Variants in NELL1 observed in about 807,000 individuals in gnomAD.
NELL1 encodes the protein neural EGFL like 1.
NELL1 carries 76 observed loss-of-function variants against 107.4 expected under a neutral mutation model. The observed-to-expected ratio is 0.71, with a 90% CI of 0.59 to 0.86. The LOEUF (loss-of-function observed/expected upper bound fraction) is 0.86. Among genes scored for constraint, NELL1 ranks in the 40% least tolerant of loss-of-function variants. The pLI, the probability that NELL1 is intolerant of heterozygous loss-of-function variation, is 0.00. For synonymous variants in NELL1, 353 were observed against 341.2 expected (o/e 1.03, Z -0.38); for missense variants, 1,024 against 1,005.5 (o/e 1.02, Z -0.25).
At chr11:21,477,491 T>A (rs542564157) in intron 15 of NELL1, among the ~76,000 whole-genome samples, 46 of 152,154 alleles carry the variant, frequency 3.0e-4, no homozygotes, top group African/African-American at 1.1e-3. Context: ...GGGTTTAGAG[T>A]GCCTACCATT....
intron 12 of NELL1, among the ~76,000 whole-genome samples, chr11:21,004,486 T>G (rs1475567962): frequency 6.6e-6 from 1 of 152,188 alleles, no homozygotes; most frequent in African/African-American, 2.4e-5. Flanking sequence ...AAGCCATATT[T>G]AATGTTATCT....
intron 15 of NELL1, among the ~76,000 whole-genome samples, chr11:21,377,713 G>A (rs1851513363): frequency 1.3e-5 from 2 of 151,960 alleles, no homozygotes; most frequent in Non-Finnish European, 2.9e-5. Flanking sequence ...TTCAGTTTTG[G>A]AACTTGATAT....
At chr11:21,558,269 C>G (rs994080626) in intron 16 of NELL1, among the ~76,000 whole-genome samples, 1 of 151,706 alleles carries the variant, frequency 6.6e-6, no homozygotes. Flanking sequence ...AATATGGCCT[C>G]TTTGTGGATC....
At chr11:21,254,685 A>G (rs1176161822) in intron 14 of NELL1, among the ~76,000 whole-genome samples, 1 of 152,028 alleles carries the variant, frequency 6.6e-6, no homozygotes, top group Non-Finnish European at 1.5e-5. Context: ...CAGGTGGCAG[A>G]TACACTGGTG....
intron 14 of NELL1, among the ~76,000 whole-genome samples, chr11:21,302,373 A>G (rs1038609853): frequency 1.3e-5 from 2 of 152,222 alleles, no homozygotes; most frequent in Middle Eastern, 3.4e-3. Flanking sequence ...ACTGAATGAT[A>G]GATGGATTCT....
intron 5 of NELL1, among the ~76,000 whole-genome samples, chr11:20,887,776 G>T (rs1590382064): frequency 6.6e-6 from 1 of 152,204 alleles, no homozygotes; most frequent in Non-Finnish European, 1.5e-5. Context: ...GGTACCTTGG[G>T]AGTCCTGATG....
chr11:21,279,136 G>A (rs1443581921), intron 14 of NELL1, among the ~76,000 whole-genome samples: 2 of 152,014 alleles, frequency 1.3e-5, no homozygotes, highest in African/African-American at 2.4e-5. Context: ...AAATCAAAAT[G>A]GATCATAAAT....
chr11:20,669,690 G>C lies in NELL1; in HGVS notation c.-34G>C. ...GGCTCATTTGCTTCCACCTAGCTTC[G>C]GTGCCCCCTGCTAGGCGGGGACCCT... On this transcript the variant is annotated 5_prime_UTR_variant, in exon 1 of 20. Transcript: ENST00000357134. The surrounding 1 kb of genome is among the most constrained non-coding windows in gnomAD (Gnocchi z 4.4). The C allele has an allele frequency of 6.3e-7, 1 of 1,598,680 alleles. No individual in the cohort carries two copies. Among genetic ancestry groups the C allele is most frequent in the Non-Finnish European group, 8.6e-7 (1 of 1,166,524 alleles).
At chr11:20,786,808 A>G (rs893480250) in intron 3 of NELL1, among the ~76,000 whole-genome samples, 21 of 151,930 alleles carry the variant, frequency 1.4e-4, no homozygotes, top group Non-Finnish European at 2.2e-4. Flanking sequence ...GGAGATCGAG[A>G]CCATCCTGGC....
intron 1 of NELL1, among the ~76,000 whole-genome samples, chr11:20,672,593 A>T (rs1414055674): frequency 1.6e-4 from 25 of 152,230 alleles, no homozygotes; most frequent in Admixed American, 1.6e-3. Flanking sequence ...TGGTTGAGAA[A>T]TAATTCAGAG....
chr11:21,385,427 C>A (rs1440669756), intron 15 of NELL1, among the ~76,000 whole-genome samples: 1 of 151,924 alleles, frequency 6.6e-6, no homozygotes, highest in African/African-American at 2.4e-5. Flanking sequence ...CACATGCCTG[C>A]ATTCCTGATA....
At chr11:21,482,397 A>T (rs1416603022) in intron 15 of NELL1, among the ~76,000 whole-genome samples, 1 of 152,194 alleles carries the variant, frequency 6.6e-6, no homozygotes, top group East Asian at 1.9e-4. Flanking sequence ...TCTGTTCCCA[A>T]CAGGCTGTTA....
rs532870793 is a variant in NELL1, at chr11:21,022,534, C to G, written c.1300+61974C>G. The stretch of plus-strand genomic sequence containing the variant: ...AAGTTGCATCAGTTGCTTTAATTTT[C>G]TCTTTCCAATTTCCCCAGAGTGATC... On this transcript the variant is annotated intron_variant, in intron 12 of 19. Transcript: ENST00000357134. 2.4e-4 allele frequency among the ~76,000 whole-genome samples: 37 copies of G among 152,246 alleles called. No individual in the cohort carries two copies. In the South Asian group the frequency reaches 7.5e-3, roughly 31 times the overall value.
chr11:20,709,604 G>A (rs1855061286), intron 2 of NELL1, among the ~76,000 whole-genome samples: 1 of 152,048 alleles, frequency 6.6e-6, no homozygotes, highest in Non-Finnish European at 1.5e-5. Flanking sequence ...GATGGGAATT[G>A]CATTGCATCT....
At chr11:21,495,404 C>A (rs1854951783) in intron 15 of NELL1, among the ~76,000 whole-genome samples, 1 of 152,058 alleles carries the variant, frequency 6.6e-6, no homozygotes. Flanking sequence ...AAACAGTCAT[C>A]AGTTTATAGA....
intron 14 of NELL1, among the ~76,000 whole-genome samples, chr11:21,263,229 T>A (rs1848567800): frequency 6.6e-6 from 1 of 152,026 alleles, no homozygotes. Context: ...TTGTCTTTTA[T>A]GTTAGAAGCC....
chr11:21,226,791 G>T (rs1057325348), intron 13 of NELL1, among the ~76,000 whole-genome samples: 3 of 152,120 alleles, frequency 2.0e-5, no homozygotes, highest in Non-Finnish European at 2.9e-5. Flanking sequence ...GAAATTCATG[G>T]TCTAGAGAAA....
chr11:21,569,340 G>A (rs1246299669), intron 17 of NELL1, among the ~76,000 whole-genome samples: 1 of 151,874 alleles, frequency 6.6e-6, no homozygotes, highest in Admixed American at 6.6e-5. Flanking sequence ...TACCTCATTT[G>A]AGAAATAGAG....
chr11:21,521,159 G>A (rs983243283), intron 15 of NELL1, among the ~76,000 whole-genome samples: 8 of 152,290 alleles, frequency 5.3e-5, no homozygotes, highest in Admixed American at 3.3e-4. Flanking sequence ...TCTAGGCACT[G>A]CTTTAACTGG....
Sources: allele counts gnomAD v4.1 joint callset (sites outside exome capture counted in the v4.1 genomes callset), GRCh38; gene constraint gnomAD v4.1.1; non-coding constraint Gnocchi (gnomAD v3.1); transcripts MANE v1.5; gene names NCBI Gene and HGNC (gene_info 2026-07-23, HGNC 2026-07-21).